ASTN1: variants seen among roughly 807,000 people sequenced by gnomAD.
The protein encoded by ASTN1 is astrotactin-1.
Under a neutral mutation model 140.7 loss-of-function variants are expected in ASTN1, and 41 were observed. The observed-to-expected ratio is 0.29, with a 90% CI of 0.23 to 0.38. The LOEUF is 0.38. Among genes scored for constraint, ASTN1 ranks in the 10% least tolerant of loss-of-function variants. The probability of loss-of-function intolerance (pLI) is 1.00; values close to 1 mark genes in which losing one functional copy is unlikely to be tolerated. For synonymous variants in ASTN1, 640 were observed against 652.2 expected (o/e 0.98, Z 0.29); for missense variants, 1,479 against 1,678.8 (o/e 0.88, Z 2.08).
intron 9 of ASTN1, among the ~76,000 whole-genome samples, chr1:176,958,849 T>C (rs1672531283): frequency 1.3e-5 from 2 of 152,136 alleles, no homozygotes; most frequent in Non-Finnish European, 2.9e-5. Context: ...ACCGTCCCCA[T>C]CCCATGGCTG....
Position 177,023,516 on chromosome 1 carries a change from G to T in ASTN1, c.1326C>A (p.Asn442Lys). ...GSQLDASDWL[N>K]PAQVVLFSQQ... ...GAGAGAAGAGAACCACTTGGGCAGG[G>T]TTCAGCCAGTCACTGGCATCCAGCT... Residue 442 changes from asparagine (N) to lysine (K), a missense_variant, in exon 7 of 23, where the codon AAC becomes AAA. Asn to Lys is a moderately conservative substitution (Grantham distance 94). Around this residue, in one of 3 missense-constraint regions of ASTN1, gnomAD observed 729 missense variants for 860.4 expected, o/e 0.85. Coordinates refer to ENST00000361833, the MANE Select transcript of ASTN1 (RefSeq NM_004319.3). The T allele has an allele frequency of 6.2e-7, 1 of 1,608,972 alleles. No homozygotes were observed.
intron 14 of ASTN1, among the ~76,000 whole-genome samples, chr1:176,938,326 C>T (rs1671537416): frequency 6.6e-6 from 1 of 152,162 alleles, no homozygotes. Flanking sequence ...CAAGTATTGT[C>T]TAGTTAGGTC....
intron 16 of ASTN1, among the ~76,000 whole-genome samples, chr1:176,931,410 G>A (rs892848251): frequency 1.3e-5 from 2 of 152,120 alleles, no homozygotes; most frequent in Admixed American, 6.5e-5. Context: ...AGGTTGCGGT[G>A]AGCCGAGATC....
Position 177,032,553 on chromosome 1 carries a change from C to A in ASTN1, c.768G>T (p.Glu256Asp). The change falls in exon 3 of 23, where the codon GAG (glutamate) becomes GAT (aspartate). Residue 256 changes from glutamate (E) to aspartate (D), a missense_variant. By Grantham distance (45) the Glu-to-Asp change is conservative. Transcript: ENST00000361833. The part of the protein sequence containing the change: ...ITDLRHHLQR[E>D]CMNGGEDFAS... ...CAAAGTCCTCCCCTCCGTTCATGCA[C>A]TCCCTCTGCAGATGGTGGCGCAGAT... The A allele has an allele frequency of 6.2e-7, 1 of 1,614,222 alleles. No individual in the cohort carries two copies. The highest frequency in any genetic ancestry group is 8.5e-7 in the Non-Finnish European group (1 of 1,180,032).
intron 5 of ASTN1, among the ~76,000 whole-genome samples, chr1:177,025,154 T>C (rs955801859): frequency 2.6e-5 from 4 of 152,182 alleles, no homozygotes; most frequent in African/African-American, 4.8e-5. Flanking sequence ...TCCACCCCCA[T>C]AGTGCACACT....
chr1:176,970,656 A>G (rs1264588086), intron 8 of ASTN1, among the ~76,000 whole-genome samples: 1 of 152,032 alleles, frequency 6.6e-6, no homozygotes, highest in African/African-American at 2.4e-5. Flanking sequence ...AAAGAAGGAA[A>G]GTAGGGAGAT....
intron 8 of ASTN1, among the ~76,000 whole-genome samples, chr1:176,987,250 C>G (rs540033158): frequency 1.3e-5 from 2 of 152,306 alleles, no homozygotes; most frequent in South Asian, 4.1e-4. Flanking sequence ...GCAAGCCAAA[C>G]AGTCTCTGTT....
chr1:176,888,460 C>T (rs747428809), intron 17 of ASTN1, among the ~76,000 whole-genome samples: 36 of 152,170 alleles, frequency 2.4e-4, no homozygotes, highest in Non-Finnish European at 4.7e-4. Flanking sequence ...GCCACTTTGG[C>T]AGCAAGTCAT....
chr1:176,906,481 A>G (rs1213303755), intron 16 of ASTN1, among the ~76,000 whole-genome samples: 1 of 152,178 alleles, frequency 6.6e-6, no homozygotes, highest in Non-Finnish European at 1.5e-5. Flanking sequence ...GGGCAGACAG[A>G]AGAGTAGACA....
intron 16 of ASTN1, among the ~76,000 whole-genome samples, chr1:176,921,366 T>C (rs1670715851): frequency 2.0e-5 from 3 of 152,312 alleles, no homozygotes; most frequent in Middle Eastern, 3.4e-3. Flanking sequence ...AACAAGAGCT[T>C]AGATGAAAGG....
At chr1:176,989,393 C>T (rs1450420858) in intron 8 of ASTN1, among the ~76,000 whole-genome samples, 3 of 152,126 alleles carry the variant, frequency 2.0e-5, no homozygotes, top group Non-Finnish European at 2.9e-5. Context: ...TTCTTCTTTT[C>T]AGTGATAGGA....
intron 8 of ASTN1, among the ~76,000 whole-genome samples, chr1:176,984,947 A>G (rs1038646931): frequency 6.6e-6 from 1 of 152,154 alleles, no homozygotes; most frequent in African/African-American, 2.4e-5. Flanking sequence ...TCAGACCAAC[A>G]TGCCATAGAG....
At position 176,862,553 on chromosome 1, in the gene ASTN1, C is replaced by T; in HGVS notation, c.*1731G>A. On this transcript the variant is annotated 3_prime_UTR_variant, in exon 23 of 23. Transcript: ENST00000361833. ...TTGGACAGTTGTGTGCCAGATGATA[C>T]TGAAAACAGAACTGGGTATCCCAGA... The T allele has an allele frequency of 6.1e-6, 6 of 985,396 alleles. No homozygotes were observed. Among genetic ancestry groups the T allele is most frequent in the South Asian group, 9.4e-5 (2 of 21,282 alleles). The allele number at this position is 985,396 out of a possible 1,614,324, so 61.0% of individuals were successfully genotyped here.
chr1:177,073,516 T>TA (rs1678745269), intron 1 of ASTN1, among the ~76,000 whole-genome samples: 1 of 150,202 alleles, frequency 6.7e-6, no homozygotes, highest in South Asian at 2.2e-4. Context: ...ATTCCTCTCT[T>TA]AGTCTGCCTT....
At chr1:177,062,844 A>G (rs906715355) in intron 1 of ASTN1, among the ~76,000 whole-genome samples, 10 of 152,210 alleles carry the variant, frequency 6.6e-5, no homozygotes, top group African/African-American at 2.4e-4. Flanking sequence ...CCAGGCACTC[A>G]GATACTAATC....
chr1:177,149,184 A>ATATATATAGTAAATATATATAGTGTG (rs1558130559), intron 1 of ASTN1, among the ~76,000 whole-genome samples: 26 of 98,046 alleles, frequency 2.7e-4, no homozygotes, highest in African/African-American at 1.6e-3. Context: ...TATATAGTGT[A>ATATATATAGTAAATATATATAGTGTG]TATATATAGT....
In ASTN1 at chr1:176,861,093, T is replaced by C; in HGVS notation, c.*3191A>G. 1 of 954,288 alleles carries C rather than the reference T, an allele frequency of 1.0e-6. No homozygotes were observed. Among genetic ancestry groups the C allele is most frequent in the Non-Finnish European group, 1.2e-6 (1 of 801,596 alleles). 59.1% of individuals were successfully genotyped at this position (954,288 alleles called of 1,614,324 possible). A position where few individuals can be genotyped will look rare whatever the true frequency, so the allele number is the denominator to read the frequency against. On this transcript the variant is annotated 3_prime_UTR_variant, in exon 23 of 23. Transcript: ENST00000361833. ...GCTTACTAATAGCTTTGTTTTATTA[T>C]TCAGTTAATTATTTCATCTTTTATA...
In ASTN1 at chr1:176,931,317, T is replaced by C. The variant is rs115635474; in HGVS notation, c.2671+2835A>G. On this transcript the variant is annotated intron_variant, in intron 16 of 22. Transcript: ENST00000361833. ...CCCCGTCTCTACTTAAATACAAAAA[T>C]TGGCCAGGCATAGTGGTGCATGCCT... Among the ~76,000 whole-genome samples, 449 of 151,980 alleles carry C rather than the reference T, an allele frequency of 3.0e-3. 2 individuals carry two copies. Among genetic ancestry groups the C allele is most frequent in the African/African-American group, 0.01 (432 of 41,448 alleles).
At chr1:177,069,827 A>G (rs1678550698) in intron 1 of ASTN1, among the ~76,000 whole-genome samples, 1 of 151,964 alleles carries the variant, frequency 6.6e-6, no homozygotes, top group African/African-American at 2.4e-5. Context: ...GTTTATCCAC[A>G]TGATACTCAT....
Sources: gnomAD v4.1 joint callset for allele counts (sites outside exome capture counted in the v4.1 genomes callset) on GRCh38, gnomAD v4.1.1 for gene constraint, gnomAD v4.1.1 regional missense constraint, MANE v1.5 for transcripts, NCBI Gene and HGNC (gene_info 2026-07-23, HGNC 2026-07-21) for gene names.